ITGB1: variants seen among roughly 807,000 people sequenced by gnomAD.
The protein encoded by ITGB1 is integrin subunit beta 1, also known as integrin beta-1.
Under a neutral mutation model 86.5 loss-of-function variants are expected in ITGB1, and 24 were observed. The observed-to-expected ratio is 0.28, with a 90% confidence interval of 0.20 to 0.39. The LOEUF (loss-of-function observed/expected upper bound fraction) is 0.39. Among genes scored for constraint, ITGB1 ranks in the 10% least tolerant of loss-of-function variants. The pLI is 1.00. For synonymous variants in ITGB1, 323 were observed against 316.8 expected (o/e 1.02, Z -0.21); for missense variants, 556 against 946.9 (o/e 0.59, Z 5.42).
intron 1 of ITGB1, 100 bp from the exon 2 acceptor site, chr10:32,935,658 A>C: frequency 1.2e-6 from 1 of 820,830 alleles, no homozygotes; most frequent in South Asian, 1.6e-5. Context: ...TTGCTTTTAT[A>C]AACATGATGG....
intron 6 of ITGB1, among the ~76,000 whole-genome samples, chr10:32,924,005 G>GT (rs1277503955): frequency 6.6e-6 from 1 of 151,374 alleles, no homozygotes; most frequent in African/African-American, 2.4e-5. Flanking sequence ...TTTTTGTTTT[G>GT]TTTGGTTTGG....
chr10:32,928,456 A>G (rs2094972547), intron 4 of ITGB1, among the ~76,000 whole-genome samples, 192 bp from the exon 5 acceptor site: 2 of 152,364 alleles, frequency 1.3e-5, no homozygotes, highest in Non-Finnish European at 2.9e-5. Context: ...CAAATACTTT[A>G]AACACCAGGC....
intron 2 of ITGB1, among the ~76,000 whole-genome samples, chr10:32,933,864 T>C (rs1004876068): frequency 6.6e-6 from 1 of 152,212 alleles, no homozygotes; most frequent in African/African-American, 2.4e-5. Context: ...ATTAAAAAGC[T>C]TTTAATGATT....
chr10:32,923,570 G>C lies in ITGB1; in HGVS notation c.942+15C>G. On this transcript the variant is annotated intron_variant, in intron 7 of 15. Coordinates refer to ENST00000302278, the MANE Select transcript of ITGB1 (RefSeq NM_002211.4). ...AACATAAACACATTCACTATGTAAG[G>C]AACCAGGCACTTACATAATAATGGC... The C allele has an allele frequency of 6.3e-7, 1 of 1,597,336 alleles. No homozygotes were observed. The highest frequency in any genetic ancestry group is 8.6e-7 in the Non-Finnish European group (1 of 1,167,756).
chr10:32,947,432 CGTGTGTGTGT>C (rs1186872641), intron 1 of ITGB1, among the ~76,000 whole-genome samples: 29 of 137,372 alleles, frequency 2.1e-4, no homozygotes, highest in South Asian at 1.9e-3. Context: ...CACATATAGC[CGTGTGTGTGT>C]GTGTGTGTGT....
At chr10:32,910,108 C>A in intron 14 of ITGB1, 115 bp downstream of exon 14, 1 of 696,036 alleles carries the variant, frequency 1.4e-6, no homozygotes. Context: ...TGAAAAATTT[C>A]CCAACTTGAC....
Position 32,919,997 on chromosome 10 carries a change from C to G in ITGB1, c.1357G>C (p.Glu453Gln). ...ATGTACTGAAGAATAACCTCTACTT[C>G]CTCCGTAAAGCCCAGAGGCCTAATT... ...FKIRPLGFTE[E>Q]VEVILQYICE... The change falls in exon 11 of 16, where the codon GAA (glutamate) becomes CAA (glutamine). Residue 453 changes from glutamate to glutamine, a missense_variant. Transcript: ENST00000302278. 1 of 1,613,992 alleles carries G rather than the reference C, an allele frequency of 6.2e-7. No homozygotes were observed. Among genetic ancestry groups the G allele is most frequent in the Non-Finnish European group, 8.5e-7 (1 of 1,179,890 alleles).
intron 1 of ITGB1, among the ~76,000 whole-genome samples, chr10:32,942,663 G>A (rs1179066980): frequency 1.3e-5 from 2 of 150,592 alleles, no homozygotes; most frequent in Non-Finnish European, 3.0e-5. Flanking sequence ...GACTAGCCTC[G>A]ACCCTGTCTC....
chr10:32,904,003 C>CA (rs5784309), intron 15 of ITGB1, among the ~76,000 whole-genome samples: 12,078 of 93,680 alleles, frequency 0.13, 725 homozygotes, highest in South Asian at 0.33. Context: ...AAGGGAAGGA[C>CA]AAAAAAAAAA....
intron 1 of ITGB1, among the ~76,000 whole-genome samples, chr10:32,948,997 A>C (rs992902962): frequency 2.6e-5 from 4 of 151,988 alleles, no homozygotes; most frequent in African/African-American, 7.2e-5. Context: ...CTGACTTCTC[A>C]ATTGAGAGGG....
intron 1 of ITGB1, among the ~76,000 whole-genome samples, chr10:32,952,344 C>T (rs533447594): frequency 2.6e-5 from 4 of 152,046 alleles, no homozygotes; most frequent in Non-Finnish European, 5.9e-5. Context: ...CTTTTTAATC[C>T]ATGCTTCTTT....
intron 1 of ITGB1, among the ~76,000 whole-genome samples, chr10:32,950,607 G>C (rs926565991): frequency 1.1e-4 from 17 of 152,164 alleles, no homozygotes; most frequent in Admixed American, 9.2e-4. Flanking sequence ...GGATCCCAAA[G>C]ATGTAACACC....
intron 15 of ITGB1, chr10:32,907,176 A>T (rs750105502): frequency 1.1e-5 from 11 of 964,648 alleles, no homozygotes; most frequent in Non-Finnish European, 1.5e-5. Flanking sequence ...TAATGATTTC[A>T]TCAGAAAAAA....
chr10:32,950,477 G>T (rs1240027654), intron 1 of ITGB1, among the ~76,000 whole-genome samples: 4 of 152,094 alleles, frequency 2.6e-5, no homozygotes, highest in Non-Finnish European at 5.9e-5. Context: ...GAAGAGGTGT[G>T]TTGGTCACTA....
intron 14 of ITGB1, 142 bp downstream of exon 14, chr10:32,910,081 T>C: frequency 3.2e-6 from 2 of 632,026 alleles, no homozygotes; most frequent in Admixed American, 3.0e-5. Context: ...TTAGATAATA[T>C]TTTAAGCTTT....
chr10:32,924,853 C>CT (rs1390533612), intron 6 of ITGB1, among the ~76,000 whole-genome samples: 1 of 152,258 alleles, frequency 6.6e-6, no homozygotes, highest in East Asian at 1.9e-4. Flanking sequence ...CTCATTGGTA[C>CT]TTTATAGAGA....
At position 32,949,932 on chromosome 10, in the gene ITGB1, TTGTAACATA is replaced by T. The variant is rs201818146; in HGVS notation, c.-1+8204_-1+8212del. On this transcript the variant is annotated intron_variant, in intron 1 of 15. Transcript: ENST00000302278. ...TAAACAACTACACTTTAGAAAAAAATTGTAACATATGTAACATATGTAACATGTTATGTT... is the reference window on the plus strand; with the variant it reads ...TAAACAACTACACTTTAGAAAAAAATTGTAACATATGTAACATGTTATGTT... 5.4e-3 allele frequency among the ~76,000 whole-genome samples: 828 copies of T among 152,208 alleles called. 7 individuals are homozygous for T. The highest frequency in any genetic ancestry group is 0.019 in the African/African-American group (777 of 41,546).
intron 15 of ITGB1, among the ~76,000 whole-genome samples, chr10:32,902,343 C>G (rs2094884129): frequency 1.3e-5 from 2 of 152,280 alleles, no homozygotes; most frequent in South Asian, 4.1e-4. Context: ...CACAAGAGAT[C>G]TTTCAAGATC....
intron 6 of ITGB1, among the ~76,000 whole-genome samples, chr10:32,924,637 T>G (rs945802752): frequency 6.6e-6 from 1 of 152,140 alleles, no homozygotes; most frequent in Non-Finnish European, 1.5e-5. Context: ...AAGGCCTAGT[T>G]AGAGGCAGCC....
Sources: allele counts gnomAD v4.1 joint callset (sites outside exome capture counted in the v4.1 genomes callset), GRCh38; gene constraint gnomAD v4.1.1; transcripts MANE v1.5; gene names NCBI Gene and HGNC (gene_info 2026-07-23, HGNC 2026-07-21).